Variants in PRICKLE1 observed in about 807,000 individuals in gnomAD.
The protein encoded by PRICKLE1 is prickle planar cell polarity protein 1.
A neutral mutation model predicts 70.2 loss-of-function variants in PRICKLE1; 14 were observed. That is an observed-to-expected ratio of 0.20 (90% CI 0.13 to 0.31). The LOEUF (loss-of-function observed/expected upper bound fraction) is 0.31, where lower values mean the gene tolerates loss of function less well. Among genes scored for constraint, PRICKLE1 ranks in the 10% least tolerant of loss-of-function variants. PRICKLE1 has a pLI of 1.00. For synonymous variants in PRICKLE1, 357 were observed against 379.9 expected (o/e 0.94, Z 0.70); for missense variants, 821 against 1,026.2 (o/e 0.80, Z 2.73).
chr12:42,467,654 A>G (rs1432119164), intron 5 of PRICKLE1, among the ~76,000 whole-genome samples: 3 of 152,138 alleles, frequency 2.0e-5, no homozygotes, highest in Admixed American at 2.0e-4. Context: ...GCTGAGGTGC[A>G]AGAATCACTT....
intron 1 of PRICKLE1, among the ~76,000 whole-genome samples, chr12:42,559,469 C>A (rs1462096974): frequency 6.6e-6 from 1 of 151,964 alleles, no homozygotes; most frequent in African/African-American, 2.4e-5. Flanking sequence ...TAGCATCAGA[C>A]TTTTGGGCTC....
intron 1 of PRICKLE1, among the ~76,000 whole-genome samples, chr12:42,493,012 G>A (rs1474030745): frequency 6.6e-6 from 1 of 152,094 alleles, no homozygotes; most frequent in Admixed American, 6.5e-5. Flanking sequence ...CGCATACTAA[G>A]TCTTAATTAT....
chr12:42,567,345 C>T (rs1053256064), intron 1 of PRICKLE1, among the ~76,000 whole-genome samples: 1 of 152,214 alleles, frequency 6.6e-6, no homozygotes, highest in African/African-American at 2.4e-5. Flanking sequence ...AAGACTACTA[C>T]AGTACAGTCT....
At chr12:42,462,102 A>G (rs1937868723) in intron 7 of PRICKLE1, among the ~76,000 whole-genome samples, 1 of 152,106 alleles carries the variant, frequency 6.6e-6, no homozygotes, top group Non-Finnish European at 1.5e-5. Context: ...CCGGCCCTAT[A>G]TAACTTCATA....
rs1369171093 is a variant in PRICKLE1, at chr12:42,523,309, T to A, written c.-48-50745A>T. ...TCTCCTTTAAACTTGGAATAAGCAT[T>A]AAAAGGTTAACCAAGATGCTCATTT... On this transcript the variant is annotated intron_variant, in intron 1 of 7. Coordinates refer to ENST00000345127, the MANE Select transcript of PRICKLE1 (RefSeq NM_153026.3). Among the ~76,000 whole-genome samples, 7 of 152,318 alleles carry A rather than the reference T, an allele frequency of 4.6e-5. No individual in the cohort carries two copies. The East Asian group carries it at 1.2e-3, about 25-fold the overall frequency.
At chr12:42,516,257 G>C (rs533896797) in intron 1 of PRICKLE1, among the ~76,000 whole-genome samples, 6 of 151,820 alleles carry the variant, frequency 4.0e-5, no homozygotes, top group Non-Finnish European at 8.8e-5. Flanking sequence ...TCAGCCTCCC[G>C]AGTAGCTGGG....
chr12:42,540,392 T>C (rs1241791793), intron 1 of PRICKLE1, among the ~76,000 whole-genome samples: 5 of 152,186 alleles, frequency 3.3e-5, no homozygotes, highest in African/African-American at 7.2e-5. Context: ...AGTTTCTTCA[T>C]TGGTGAAATG....
intron 7 of PRICKLE1, among the ~76,000 whole-genome samples, chr12:42,463,049 A>C (rs1253064959): frequency 6.6e-6 from 1 of 152,186 alleles, no homozygotes; most frequent in East Asian, 1.9e-4. Context: ...GGCCAGGGGC[A>C]GTGGCTCACA....
In PRICKLE1 at chr12:42,460,502, C is replaced by T; in HGVS notation, c.1803G>A (p.Glu601=). 1 of 1,613,910 alleles carries T rather than the reference C, an allele frequency of 6.2e-7. No homozygotes were observed. Among genetic ancestry groups the T allele is most frequent in the Admixed American group, 1.7e-5 (1 of 60,022 alleles). The change falls in exon 8 of 8, where the codon GAG becomes GAA. Residue 601 remains glutamate, a synonymous_variant. Coordinates refer to ENST00000345127, the MANE Select transcript of PRICKLE1 (RefSeq NM_153026.3). The stretch of plus-strand genomic sequence containing the variant: ...CAGGCAGGATTTTCTCTGGACACAA[C>T]TCTGAACTTAGACTCTTTAAGGACT... ...SAESLKSLSS[E]LCPEKILPEE... is the part of the protein sequence containing the mutation.
chr12:42,470,152 G>A lies in PRICKLE1; in HGVS notation c.246+94C>T, dbSNP rs183974976. On this transcript the variant is annotated intron_variant, in intron 3 of 7. Transcript: ENST00000345127. ...TAAAGAAAGGCAAAAGGGAGCCCTC[G>A]CCAGTGAGGAGTTGGGGTTTATGAG... The A allele has an allele frequency of 1.7e-4, 156 of 908,862 alleles. 1 individual carries two copies. In the East Asian group the frequency reaches 2.4e-3, roughly 14 times the overall value. The allele number at this position is 908,862 out of a possible 1,614,324, so 56.3% of individuals were successfully genotyped here.
chr12:42,472,768 C>T lies in PRICKLE1; in HGVS notation c.-48-204G>A, dbSNP rs74781866. On this transcript the variant is annotated intron_variant, in intron 1 of 7. Coordinates refer to ENST00000345127, the MANE Select transcript of PRICKLE1 (RefSeq NM_153026.3). ...TATAATTTGGTAGTAGTCTCTTTGC[C>T]AGCTCAGAATTTCAGAACATGCCAC... Among the ~76,000 whole-genome samples, 2,614 of 152,200 alleles carry T rather than the reference C, an allele frequency of 0.017. 71 individuals carry two copies. The highest frequency in any genetic ancestry group is 0.091 in the East Asian group (470 of 5,188).
intron 1 of PRICKLE1, among the ~76,000 whole-genome samples, chr12:42,476,823 T>TA (rs1938556878): frequency 2.0e-5 from 3 of 151,506 alleles, no homozygotes; most frequent in African/African-American, 7.3e-5. Flanking sequence ...TTTTTGTTTT[T>TA]GTTTTTTGTA....
intron 1 of PRICKLE1, among the ~76,000 whole-genome samples, chr12:42,506,503 C>T (rs1214943298): frequency 1.3e-5 from 2 of 151,398 alleles, no homozygotes; most frequent in African/African-American, 2.4e-5. Flanking sequence ...GTGACCCACC[C>T]ACCTCGGCCT....
chr12:42,479,509 G>A (rs1938710305), intron 1 of PRICKLE1, among the ~76,000 whole-genome samples: 1 of 152,170 alleles, frequency 6.6e-6, no homozygotes, highest in Non-Finnish European at 1.5e-5. Flanking sequence ...ATAACACAGT[G>A]ATATAATGAG....
rs1443993096 is a variant in PRICKLE1, at chr12:42,491,804, C to T, written c.-48-19240G>A. Among the ~76,000 whole-genome samples the T allele has an allele frequency of 7.1e-5, 10 of 141,134 alleles. No individual in the cohort carries two copies. In the South Asian group the frequency reaches 9.4e-4, roughly 13 times the overall value. 92.6% of individuals were successfully genotyped at this position (141,134 alleles called of 152,430 possible). On this transcript the variant is annotated intron_variant, in intron 1 of 7. Transcript: ENST00000345127. ...TCTTTTTTTTTTTTTTTTTTTGAGC[C>T]GGAGTTTCACTCTTATTACCCAGGC... is the stretch of plus-strand genomic sequence containing the variant.
At chr12:42,553,062 A>C (rs1940347611) in intron 1 of PRICKLE1, among the ~76,000 whole-genome samples, 1 of 152,196 alleles carries the variant, frequency 6.6e-6, no homozygotes. Context: ...TAACAGGACA[A>C]GGACTGGTAC....
chr12:42,540,802 C>G (rs1229396430), intron 1 of PRICKLE1, among the ~76,000 whole-genome samples: 2 of 152,084 alleles, frequency 1.3e-5, no homozygotes, highest in Non-Finnish European at 2.9e-5. Flanking sequence ...CTCAGGTGAT[C>G]TGCCCACCTC....
chr12:42,478,085 G>A (rs2140142720), intron 1 of PRICKLE1, among the ~76,000 whole-genome samples: 1 of 150,840 alleles, frequency 6.6e-6, no homozygotes, highest in Non-Finnish European at 1.5e-5. Flanking sequence ...TGCTCCATTT[G>A]CTTTTGCATC....
intron 1 of PRICKLE1, among the ~76,000 whole-genome samples, chr12:42,496,298 C>T (rs1354117584): frequency 6.6e-6 from 1 of 152,202 alleles, no homozygotes; most frequent in East Asian, 1.9e-4. Flanking sequence ...CAACATTCAG[C>T]TTAAAATAGT....
Sources: allele counts gnomAD v4.1 joint callset (sites outside exome capture counted in the v4.1 genomes callset), GRCh38; gene constraint gnomAD v4.1.1; transcripts MANE v1.5; gene names NCBI Gene and HGNC (gene_info 2026-07-23, HGNC 2026-07-21).